The following GPNMB variants were observed in gnomAD, a reference collection of about 807,000 sequenced individuals.
The protein encoded by GPNMB is transmembrane glycoprotein NMB.
In GPNMB, 71 loss-of-function variants were observed where a neutral mutation model predicts 57.3. The ratio of observed to expected loss-of-function variants is 1.24; its 90% CI spans 1.02 to 1.51. The LOEUF is 1.51. Ranked by LOEUF, GPNMB falls within the 40% of genes most tolerant of loss-of-function variation. The probability of loss-of-function intolerance (pLI) is 0.00; values close to 1 mark genes in which losing one functional copy is unlikely to be tolerated. For missense variants in GPNMB, 677 were observed against 691.9 expected (o/e 0.98, Z 0.24); for synonymous variants, 253 against 263.2 (o/e 0.96, Z 0.38).
At position 23,266,635 on chromosome 7, in the gene GPNMB, C is replaced by T; in HGVS notation, c.1117+20C>T. On this transcript the variant is annotated intron_variant, in intron 7 of 10. Transcript: ENST00000258733. ...TTGTAGGTAAGGCTGAAGATGATGA[C>T]CAGTGAGGAAGGATGCTAGACTCCA... 1 of 1,610,596 alleles carries T rather than the reference C, an allele frequency of 6.2e-7. No individual in the cohort carries two copies. The highest frequency in any genetic ancestry group is 8.5e-7 in the Non-Finnish European group (1 of 1,177,770).
intron 8 of GPNMB, among the ~76,000 whole-genome samples, chr7:23,268,573 T>A (rs1226762944): frequency 6.6e-6 from 1 of 152,252 alleles, no homozygotes; most frequent in East Asian, 1.9e-4. Flanking sequence ...AATGAATATA[T>A]AAATACTATA....
chr7:23,256,625 GAAAAATACATT>G (rs1445740125), intron 3 of GPNMB, among the ~76,000 whole-genome samples: 1 of 152,168 alleles, frequency 6.6e-6, no homozygotes, highest in Non-Finnish European at 1.5e-5. Flanking sequence ...CCGATAGGAA[GAAAAATACATT>G]AAATGATATC....
At chr7:23,269,946 C>T (rs909351318) in intron 8 of GPNMB, 21 bp from the exon 9 acceptor site, 34 of 1,593,938 alleles carry the variant, frequency 2.1e-5, no homozygotes, top group African/African-American at 2.7e-5. Context: ...TGTGCGCCCT[C>T]GCCCACCTCC....
At position 23,260,569 on chromosome 7, in the gene GPNMB, C is replaced by T; in HGVS notation, c.814C>T (p.His272Tyr). The change falls in exon 6 of 11, where the codon CAC becomes TAC. Residue 272 changes from histidine to tyrosine, a missense_variant. By Grantham distance (83) the His-to-Tyr change is moderately conservative. Coordinates refer to ENST00000258733, the MANE Select transcript of GPNMB (RefSeq NM_002510.3). ...MFDVLIHDPS[H>Y]FLNYSTINYK... Reference sequence around the variant, plus strand: ...TGATGTCCTGATTCATGATCCTAGCCACTTCCTCAATTATTCTACCATTAA... The same window carrying T: ...TGATGTCCTGATTCATGATCCTAGCTACTTCCTCAATTATTCTACCATTAA... 13 of 1,613,746 alleles carry T rather than the reference C, an allele frequency of 8.1e-6. No individual in the cohort carries two copies. Among genetic ancestry groups the T allele is most frequent in the Non-Finnish European group, 1.1e-5 (13 of 1,179,658 alleles).
rs772661002 is a variant in GPNMB at position 23,274,115 on chromosome 7, G to A, written c.1574G>A (p.Arg525Lys). 2 of 1,613,322 alleles carry A rather than the reference G, an allele frequency of 1.2e-6. No homozygotes were observed. The highest frequency in any genetic ancestry group is 1.7e-6 in the Non-Finnish European group (2 of 1,179,282). ...GAAAATAGTCCTGGGAATGTGGTCAGAAGCAAAGGCCTGAGTGTCTTTCTC... is the reference window on the plus strand; with the variant it reads ...GAAAATAGTCCTGGGAATGTGGTCAAAAGCAAAGGCCTGAGTGTCTTTCTC... ...PIENSPGNVV[R>K]SKGLSVFLNR... Residue 525 changes from arginine (R) to lysine (K), a missense_variant, in exon 11 of 11, where the codon AGA becomes AAA. Coordinates refer to ENST00000258733, the MANE Select transcript of GPNMB (RefSeq NM_002510.3).
rs1782894435 is a variant in GPNMB, at chr7:23,260,598, C to A, written c.843C>A (p.Tyr281Ter). 3 of 1,613,988 alleles carry A rather than the reference C, an allele frequency of 1.9e-6. No individual in the cohort carries two copies. The East Asian group carries it at 6.7e-5, about 36-fold the overall frequency. ...TCCTCAATTATTCTACCATTAACTA[C>A]AAGTGGAGCTTCGGGGATAATACTG... Reference protein sequence around the residue: ...SHFLNYSTINYKWSFGDNTGL... With the variant: ...SHFLNYSTIN Residue 281 changes from tyrosine (Y) to a stop codon, truncating the protein, a stop_gained, in exon 6 of 11, where the codon TAC (tyrosine) becomes TAA (stop). Transcript: ENST00000258733. LOFTEE classifies it high-confidence loss of function.
At chr7:23,271,224 G>A (rs987836369) in intron 9 of GPNMB, among the ~76,000 whole-genome samples, 4 of 152,212 alleles carry the variant, frequency 2.6e-5, no homozygotes, top group Non-Finnish European at 1.5e-5. Flanking sequence ...ACAGGAGGCA[G>A]AGCTTGGGCG....
chr7:23,249,263 A>G (rs560107712), intron 1 of GPNMB, among the ~76,000 whole-genome samples: 8 of 152,184 alleles, frequency 5.3e-5, no homozygotes, highest in Non-Finnish European at 1.0e-4. Flanking sequence ...GTATTTATAG[A>G]TTCACATACT....
At chr7:23,258,865 T>A (rs1467780265) in intron 4 of GPNMB, among the ~76,000 whole-genome samples, 1 of 152,222 alleles carries the variant, frequency 6.6e-6, no homozygotes, top group Non-Finnish European at 1.5e-5. Flanking sequence ...TTTGACGGTG[T>A]GATACACGGG....
At position 23,260,025 on chromosome 7, in the gene GPNMB, T is replaced by C; in HGVS notation, c.587T>C (p.Val196Ala). ...KLGRCSVRVSVNTANVTLGPQ... is the reference protein window; with the variant it reads ...KLGRCSVRVSANTANVTLGPQ... ...GGACGATGTTCAGTGAGAGTTTCTG[T>C]GAACACAGCCAATGTGACACTTGGG... Residue 196 changes from valine to alanine, a missense_variant, in exon 5 of 11, where the codon GTG (valine) becomes GCG (alanine). Val to Ala is a moderately conservative substitution (Grantham distance 64). Transcript: ENST00000258733. The C allele has an allele frequency of 6.2e-7, 1 of 1,614,134 alleles. No individual in the cohort carries two copies. The highest frequency in any genetic ancestry group is 1.1e-5 in the South Asian group (1 of 91,082).
At position 23,259,676 on chromosome 7, in the gene GPNMB, G is replaced by A. The variant is rs189375045; in HGVS notation, c.542-304G>A. ...TCTATGGGGAAAACATGTATTTCAA[G>A]TGCCAAATTACTTAGCACAAACAGC... On this transcript the variant is annotated intron_variant, in intron 4 of 10. Coordinates refer to ENST00000258733, the MANE Select transcript of GPNMB (RefSeq NM_002510.3). Among the ~76,000 whole-genome samples, 18 of 152,222 alleles carry A rather than the reference G, an allele frequency of 1.2e-4. No homozygotes were observed. The East Asian group carries it at 3.5e-3, about 29-fold the overall frequency.
chr7:23,260,950 A>G (rs1782908286), intron 6 of GPNMB, among the ~76,000 whole-genome samples, 177 bp downstream of exon 6: 1 of 152,216 alleles, frequency 6.6e-6, no homozygotes, highest in Non-Finnish European at 1.5e-5. Flanking sequence ...TATAGAACAC[A>G]GAAGAAGGAA....
rs1169494382 is a variant in GPNMB at position 23,260,467 on chromosome 7, G to T, written c.712G>T (p.Val238Leu). ...GATGTATCTTTTAGATCAGATTCCTGTGTTTGTGACTATGTTCCAGAAGAA... is the reference window on the plus strand; with the variant it reads ...GATGTATCTTTTAGATCAGATTCCTTTGTTTGTGACTATGTTCCAGAAGAA... Reference protein sequence around the residue: ...DVYVVTDQIPVFVTMFQKNDR... With the variant: ...DVYVVTDQIPLFVTMFQKNDR... Residue 238 changes from valine to leucine, a missense_variant, in exon 6 of 11, where the codon GTG (valine) becomes TTG (leucine). Physicochemically the swap from Val to Leu is conservative, Grantham distance 32. Transcript: ENST00000258733. The T allele has an allele frequency of 1.2e-6, 2 of 1,610,264 alleles. No homozygotes were observed. The highest frequency in any genetic ancestry group is 1.7e-6 in the Non-Finnish European group (2 of 1,177,290).
Position 23,260,789 on chromosome 7 carries a change from G to C in GPNMB, c.1018+16G>C. Reference sequence around the variant, plus strand: ...CCTTCTTTAGGTAAGGTTTCGCAGTGATCTTTGAGGGAGGCTCCTTAATGG... The same window carrying C: ...CCTTCTTTAGGTAAGGTTTCGCAGTCATCTTTGAGGGAGGCTCCTTAATGG... On this transcript the variant is annotated intron_variant, in intron 6 of 10. Coordinates refer to ENST00000258733, the MANE Select transcript of GPNMB (RefSeq NM_002510.3). 6.7e-7 allele frequency: 1 copy of C among 1,496,964 alleles called. No homozygotes were observed. Among genetic ancestry groups the C allele is most frequent in the Non-Finnish European group, 8.9e-7 (1 of 1,123,504 alleles). The allele number at this position is 1,496,964 out of a possible 1,614,324, so 92.7% of individuals were successfully genotyped here. A position where few individuals can be genotyped will look rare whatever the true frequency, so the allele number is the denominator to read the frequency against.
chr7:23,272,142 G>A (rs2128485759), intron 9 of GPNMB, among the ~76,000 whole-genome samples: 1 of 152,322 alleles, frequency 6.6e-6, no homozygotes, highest in African/African-American at 2.4e-5. Flanking sequence ...TATTCCTTCA[G>A]TGCTGCCACA....
intron 7 of GPNMB, 27 bp downstream of exon 7, chr7:23,266,642 G>C: frequency 6.2e-7 from 1 of 1,609,196 alleles, no homozygotes; most frequent in African/African-American, 1.3e-5. Context: ...TGACCAGTGA[G>C]GAAGGATGCT....
At chr7:23,263,821 G>T (rs1360946747) in intron 6 of GPNMB, among the ~76,000 whole-genome samples, 5 of 151,620 alleles carry the variant, frequency 3.3e-5, no homozygotes, top group Admixed American at 1.3e-4. Flanking sequence ...AGCTGTACAG[G>T]CCATATTAAA....
chr7:23,253,599 G>A (rs1782709203), intron 2 of GPNMB, 140 bp downstream of exon 2: 1 of 658,990 alleles, frequency 1.5e-6, no homozygotes. Context: ...GAGGCACCTG[G>A]ACTTGGCAAT....
chr7:23,256,203 G>A (rs1406608852), intron 3 of GPNMB, among the ~76,000 whole-genome samples: 1 of 152,124 alleles, frequency 6.6e-6, no homozygotes, highest in Admixed American at 6.6e-5. Flanking sequence ...ACTGCACCCA[G>A]CCTAAATCTT....
Sources: allele counts gnomAD v4.1 joint callset (sites outside exome capture counted in the v4.1 genomes callset), GRCh38; gene constraint gnomAD v4.1.1; transcripts MANE v1.5; gene names NCBI Gene and HGNC (gene_info 2026-07-23, HGNC 2026-07-21).